ATG10: variants seen among roughly 807,000 people sequenced by gnomAD.
ATG10 encodes autophagy related 10.
In ATG10, 30 loss-of-function variants were observed where a neutral mutation model predicts 32.1. That is an observed-to-expected ratio of 0.94 (90% confidence interval 0.70 to 1.27). The LOEUF (loss-of-function observed/expected upper bound fraction) is 1.27, where lower values mean the gene tolerates loss of function less well. ATG10 is among the 50% of genes most tolerant of loss of function. The pLI, the probability that ATG10 is intolerant of heterozygous loss-of-function variation, is 0.00. For synonymous variants in ATG10, 87 were observed against 91.5 expected, an observed-to-expected ratio of 0.95 and a Z score of 0.28; for missense variants, 233 against 262.3, an observed-to-expected ratio of 0.89 and a Z score of 0.77.
At chr5:82,046,926 A>C (rs1763251445) in intron 2 of ATG10, among the ~76,000 whole-genome samples, 1 of 152,062 alleles carries the variant, frequency 6.6e-6, no homozygotes, top group Admixed American at 6.6e-5. Flanking sequence ...TAAGATTGGG[A>C]GTAACTTTAA....
chr5:82,116,309 C>T (rs1765807525), intron 3 of ATG10, among the ~76,000 whole-genome samples: 1 of 151,882 alleles, frequency 6.6e-6, no homozygotes, highest in East Asian at 1.9e-4. Context: ...AGAGAATGAG[C>T]AGATAATAAT....
At chr5:82,121,498 T>A (rs943779571) in intron 3 of ATG10, among the ~76,000 whole-genome samples, 2 of 152,182 alleles carry the variant, frequency 1.3e-5, no homozygotes, top group African/African-American at 4.8e-5. Flanking sequence ...CAATACTGTG[T>A]TGAATAGGAG....
chr5:82,110,956 G>A (rs1036995828), intron 3 of ATG10, among the ~76,000 whole-genome samples: 2 of 151,940 alleles, frequency 1.3e-5, no homozygotes, highest in Non-Finnish European at 2.9e-5. Context: ...ACACACAATA[G>A]TAGATATGGT....
chr5:82,135,850 G>A (rs1766714284), intron 3 of ATG10, among the ~76,000 whole-genome samples: 1 of 152,066 alleles, frequency 6.6e-6, no homozygotes, highest in South Asian at 2.1e-4. Context: ...TTGTGTGGGA[G>A]TCTAAGTCTC....
intron 2 of ATG10, among the ~76,000 whole-genome samples, 173 bp from the exon 3 acceptor site, chr5:82,058,322 T>C (rs1763665429): frequency 6.6e-6 from 1 of 152,166 alleles, no homozygotes; most frequent in African/African-American, 2.4e-5. Flanking sequence ...CTTGCATTTA[T>C]TGAGTACTTA....
intron 3 of ATG10, among the ~76,000 whole-genome samples, chr5:82,070,954 G>A (rs926495501): frequency 3.9e-5 from 6 of 152,022 alleles, no homozygotes; most frequent in African/African-American, 1.4e-4. Context: ...TCTTGACCAC[G>A]TTGTAACATT....
At chr5:82,208,068 T>G (rs528148602) in intron 5 of ATG10, among the ~76,000 whole-genome samples, 1 of 152,218 alleles carries the variant, frequency 6.6e-6, no homozygotes, top group Non-Finnish European at 1.5e-5. Flanking sequence ...TCAGCACTAT[T>G]TATGAAAAAG....
intron 5 of ATG10, among the ~76,000 whole-genome samples, chr5:82,228,370 G>T (rs1388070515): frequency 1.3e-5 from 2 of 152,040 alleles, no homozygotes; most frequent in East Asian, 1.9e-4. Context: ...CAATGATTAT[G>T]ACAACTCAAT....
At chr5:82,068,255 G>A (rs139023933) in intron 3 of ATG10, among the ~76,000 whole-genome samples, 4 of 152,154 alleles carry the variant, frequency 2.6e-5, no homozygotes, top group East Asian at 1.9e-4. Context: ...GCAGGGACAC[G>A]GACGAAGCTG....
chr5:82,240,758 T>C (rs1746755621), intron 5 of ATG10, among the ~76,000 whole-genome samples: 1 of 152,182 alleles, frequency 6.6e-6, no homozygotes, highest in African/African-American at 2.4e-5. Flanking sequence ...TATCAAAATA[T>C]CACAGGCACC....
chr5:82,170,184 G>A (rs1002861974), intron 4 of ATG10, among the ~76,000 whole-genome samples: 7 of 152,016 alleles, frequency 4.6e-5, no homozygotes, highest in African/African-American at 1.7e-4. Flanking sequence ...ACCTGTAAGC[G>A]ACTGTATTTT....
intron 3 of ATG10, among the ~76,000 whole-genome samples, chr5:82,105,267 T>C (rs1186380149): frequency 6.6e-6 from 1 of 152,058 alleles, no homozygotes; most frequent in Non-Finnish European, 1.5e-5. Flanking sequence ...ATTGGGTTTA[T>C]ATTATGTTAA....
chr5:82,085,569 C>T (rs186667104), intron 3 of ATG10, among the ~76,000 whole-genome samples: 52 of 151,838 alleles, frequency 3.4e-4, no homozygotes, highest in African/African-American at 1.1e-3. Flanking sequence ...AGCACACCAA[C>T]ATGGCACGTG....
At chr5:81,986,519 A>G (rs1277413781) in intron 1 of ATG10, among the ~76,000 whole-genome samples, 2 of 152,100 alleles carry the variant, frequency 1.3e-5, no homozygotes, top group Non-Finnish European at 2.9e-5. Flanking sequence ...CTTAATAGAT[A>G]TTCACTATGT....
chr5:82,056,051 A>C (rs1050977804), intron 2 of ATG10, among the ~76,000 whole-genome samples: 1 of 152,198 alleles, frequency 6.6e-6, no homozygotes, highest in Non-Finnish European at 1.5e-5. Flanking sequence ...TAGCCCAATG[A>C]CGTGTTTCTC....
intron 2 of ATG10, among the ~76,000 whole-genome samples, chr5:82,029,191 TTAA>T (rs1762677109): frequency 6.6e-6 from 1 of 152,242 alleles, no homozygotes; most frequent in South Asian, 2.1e-4. Flanking sequence ...CAAATTCTGG[TTAA>T]TGATGAGAAA....
intron 1 of ATG10, among the ~76,000 whole-genome samples, chr5:81,975,160 A>G (rs1194896222): frequency 6.6e-6 from 1 of 152,198 alleles, no homozygotes; most frequent in Admixed American, 6.5e-5. Flanking sequence ...CTTAATACAT[A>G]GTAATATATG....
chr5:82,128,923 T>G (rs1362491029), intron 3 of ATG10, among the ~76,000 whole-genome samples: 1 of 151,784 alleles, frequency 6.6e-6, no homozygotes, highest in African/African-American at 2.4e-5. Flanking sequence ...AGGTTGGGGA[T>G]GTTCTTCTGG....
chr5:82,167,265 A>G (rs1332336574), intron 4 of ATG10, among the ~76,000 whole-genome samples: 2 of 152,244 alleles, frequency 1.3e-5, no homozygotes, highest in Admixed American at 6.5e-5. Context: ...TATCTATAAA[A>G]TGATATGCTG....
Sources: gnomAD v4.1 joint callset for allele counts (sites outside exome capture counted in the v4.1 genomes callset) on GRCh38, gnomAD v4.1.1 for gene constraint, MANE v1.5 for transcripts, NCBI Gene and HGNC (gene_info 2026-07-23, HGNC 2026-07-21) for gene names.